GALNT3: variants seen among roughly 807,000 people sequenced by gnomAD.
GALNT3 encodes polypeptide N-acetylgalactosaminyltransferase 3.
In GALNT3, 51 loss-of-function variants were observed where a neutral mutation model predicts 69.8. The observed-to-expected ratio is 0.73, with a 90% CI of 0.58 to 0.92. The LOEUF (loss-of-function observed/expected upper bound fraction) is 0.92. GALNT3 is among the 40% of genes least tolerant of loss of function. The probability of loss-of-function intolerance (pLI) is 0.00; values close to 1 mark genes in which losing one functional copy is unlikely to be tolerated. For synonymous variants in GALNT3, 265 were observed against 248.5 expected (o/e 1.07, Z -0.63); for missense variants, 711 against 760.0 (o/e 0.94, Z 0.76).
chr2:165,753,055 G>T (rs1688381848), intron 9 of GALNT3, among the ~76,000 whole-genome samples: 2 of 151,916 alleles, frequency 1.3e-5, no homozygotes, highest in Non-Finnish European at 2.9e-5. Flanking sequence ...CTGGCTTCTG[G>T]GCATCTGTAT....
chr2:165,758,338 T>C (rs991664262), intron 6 of GALNT3, among the ~76,000 whole-genome samples: 3 of 152,314 alleles, frequency 2.0e-5, no homozygotes, highest in East Asian at 1.9e-4. Flanking sequence ...ATAATATGTA[T>C]AGAAAAAATC....
intron 1 of GALNT3, among the ~76,000 whole-genome samples, chr2:165,776,365 T>C (rs1270124941): frequency 2.0e-5 from 3 of 152,148 alleles, no homozygotes; most frequent in East Asian, 1.9e-4. Context: ...AAACTCAGGA[T>C]ATAACATGTC....
Position 165,774,223 on chromosome 2 carries a change from T to C in GALNT3, c.-108-3415A>G, listed in dbSNP as rs563704923. The stretch of plus-strand genomic sequence containing the variant: ...ACCTCCTTTCTGTTCCTGAGGGGAC[T>C]ACCAAAAATCCCCTTCCCCAGGGCT... On this transcript the variant is annotated intron_variant, in intron 1 of 10. Transcript: ENST00000392701. Among the ~76,000 whole-genome samples the C allele has an allele frequency of 2.0e-5, 3 of 152,188 alleles. No individual in the cohort carries two copies. In the South Asian group the frequency reaches 6.2e-4, roughly 32 times the overall value.
intron 4 of GALNT3, 154 bp downstream of exon 4, chr2:165,761,751 A>G: frequency 2.5e-6 from 2 of 809,592 alleles, no homozygotes; most frequent in East Asian, 2.6e-5. Context: ...CAGAGCTGTT[A>G]CCTGCTTGGG....
chr2:165,784,646 G>C (rs971455081), intron 1 of GALNT3, among the ~76,000 whole-genome samples: 4 of 152,026 alleles, frequency 2.6e-5, no homozygotes, highest in Admixed American at 6.6e-5. Flanking sequence ...GACCAGCCTA[G>C]GAAACACATC....
chr2:165,767,420 G>A (rs886824215), intron 2 of GALNT3, among the ~76,000 whole-genome samples: 1 of 152,030 alleles, frequency 6.6e-6, no homozygotes, highest in African/African-American at 2.4e-5. Context: ...AAGATTTAAA[G>A]TATAAAATTT....
intron 3 of GALNT3, 147 bp downstream of exon 3, chr2:165,764,737 G>A: frequency 1.3e-6 from 1 of 793,630 alleles, no homozygotes; most frequent in Non-Finnish European, 2.2e-6. Flanking sequence ...TCCATCCTTG[G>A]ATTCTAATTT....
intron 9 of GALNT3, among the ~76,000 whole-genome samples, chr2:165,751,550 TAAAAATTACAAA>T (rs574931384): frequency 1.3e-5 from 2 of 152,110 alleles, no homozygotes; most frequent in African/African-American, 2.4e-5. Context: ...GTCATTAAAA[TAAAAATTACAAA>T]AAATGGAAAA....
At chr2:165,766,027 C>T (rs375817026) in intron 2 of GALNT3, among the ~76,000 whole-genome samples, 2,230 of 152,214 alleles carry the variant, frequency 0.015, 14 homozygotes, top group Middle Eastern at 0.024. Flanking sequence ...AATCTTCCTG[C>T]CTAAGCCTCC....
chr2:165,758,677 A>G, intron 6 of GALNT3, 70 bp downstream of exon 6: 1 of 997,060 alleles, frequency 1.0e-6, no homozygotes, highest in East Asian at 2.4e-5. Context: ...AATCATATGT[A>G]CCAGCCGATT....
intron 1 of GALNT3, 93 bp downstream of exon 1, chr2:165,793,922 T>TAGCCCC: frequency 8.1e-6 from 1 of 123,056 alleles, no homozygotes; most frequent in Non-Finnish European, 1.9e-5. Context: ...ACCGTAGCCC[T>TAGCCCC]GTCCCCAACA....
chr2:165,761,452 TTCACCAACGCCGGC>T (rs1379807779), intron 4 of GALNT3, among the ~76,000 whole-genome samples: 1 of 152,112 alleles, frequency 6.6e-6, no homozygotes, highest in African/African-American at 2.4e-5. Flanking sequence ...CCTCAAATGA[TTCACCAACGCCGGC>T]CTCCCAAAGT....
intron 4 of GALNT3, among the ~76,000 whole-genome samples, chr2:165,760,894 A>G (rs572054148): frequency 6.6e-6 from 1 of 152,316 alleles, no homozygotes; most frequent in East Asian, 1.9e-4. Context: ...TGCTTTCTAA[A>G]TACTTCAAAA....
At chr2:165,751,732 A>C (rs1412341277) in intron 9 of GALNT3, among the ~76,000 whole-genome samples, 1 of 152,188 alleles carries the variant, frequency 6.6e-6, no homozygotes, top group East Asian at 1.9e-4. Flanking sequence ...TGGCCAGCTT[A>C]GTCACATAAC....
At position 165,764,860 on chromosome 2, in the gene GALNT3, T is replaced by A. The variant is rs200617425; in HGVS notation, c.688+24A>T. The A allele has an allele frequency of 1.3e-4, 203 of 1,613,090 alleles. 1 individual carries two copies. In the East Asian group the frequency reaches 3.0e-3, roughly 24 times the overall value. On this transcript the variant is annotated intron_variant, in intron 3 of 10. Coordinates refer to ENST00000392701, the MANE Select transcript of GALNT3 (RefSeq NM_004482.4). ...ACCACAATATGGATTTGGGAAACAATCTAATTTGCATGTGCTTTCTTACCA... is the reference window on the plus strand; with the variant it reads ...ACCACAATATGGATTTGGGAAACAAACTAATTTGCATGTGCTTTCTTACCA...
chr2:165,758,515 T>C (rs556535752), intron 6 of GALNT3: 132 of 385,598 alleles, frequency 3.4e-4, no homozygotes, highest in Non-Finnish European at 5.2e-4. Context: ...TTGGTGTTAC[T>C]GCCTGGACAC....
At chr2:165,791,502 A>G (rs2105235599) in intron 1 of GALNT3, among the ~76,000 whole-genome samples, 1 of 152,294 alleles carries the variant, frequency 6.6e-6, no homozygotes. Flanking sequence ...AACTTGTTTC[A>G]TTTATATACA....
rs145257472 is a variant in GALNT3 at position 165,764,678 on chromosome 2, T to G, written c.688+206A>C. 5.0e-3 allele frequency among the ~76,000 whole-genome samples: 760 copies of G among 152,334 alleles called. 7 individuals are homozygous for G. The highest frequency in any genetic ancestry group is 0.017 in the African/African-American group (712 of 41,566). On this transcript the variant is annotated intron_variant, in intron 3 of 10. Transcript: ENST00000392701. ...TCTCACATTGAGGACTACATAGTTATGAATAATGGTGTTTCATACATTTCT... is the reference window on the plus strand; with the variant it reads ...TCTCACATTGAGGACTACATAGTTAGGAATAATGGTGTTTCATACATTTCT...
At chr2:165,783,237 T>C (rs1007728117) in intron 1 of GALNT3, among the ~76,000 whole-genome samples, 1 of 152,156 alleles carries the variant, frequency 6.6e-6, no homozygotes, top group African/African-American at 2.4e-5. Flanking sequence ...TTCTTAATAC[T>C]TTAGTGAAAG....
Sources: gnomAD v4.1 joint callset for allele counts (sites outside exome capture counted in the v4.1 genomes callset) on GRCh38, gnomAD v4.1.1 for gene constraint, MANE v1.5 for transcripts, NCBI Gene and HGNC (gene_info 2026-07-23, HGNC 2026-07-21) for gene names.